Variants in ACOXL observed in about 807,000 individuals in gnomAD.
ACOXL encodes acyl-coenzyme A oxidase-like protein.
ACOXL carries 70 observed loss-of-function variants against 71.9 expected under a neutral mutation model. The ratio of observed to expected loss-of-function variants is 0.97; its 90% CI spans 0.80 to 1.19. ACOXL has a LOEUF of 1.19. Ranked by LOEUF, ACOXL falls within the 50% of genes most tolerant of loss-of-function variation. The pLI, the probability that ACOXL is intolerant of heterozygous loss-of-function variation, is 0.00. For missense variants in ACOXL, 703 were observed against 736.3 expected (o/e 0.95, Z 0.52); for synonymous variants, 253 against 281.6 (o/e 0.90, Z 1.02).
At chr2:110,824,000 A>G (rs1437773657) in intron 9 of ACOXL, among the ~76,000 whole-genome samples, 1 of 151,924 alleles carries the variant, frequency 6.6e-6, no homozygotes, top group African/African-American at 2.4e-5. Flanking sequence ...TCTTTCATGG[A>G]TTGTGCTTTT....
At chr2:111,078,154 A>G (rs1322893422) in intron 16 of ACOXL, among the ~76,000 whole-genome samples, 1 of 141,578 alleles carries the variant, frequency 7.1e-6, no homozygotes, top group African/African-American at 2.6e-5. Context: ...CTTCTAGTTT[A>G]CTCAGTCTTT....
At chr2:110,988,586 A>ATTTAC (rs1159735375) in intron 13 of ACOXL, among the ~76,000 whole-genome samples, 1 of 152,204 alleles carries the variant, frequency 6.6e-6, no homozygotes, top group Non-Finnish European at 1.5e-5. Flanking sequence ...ACTTTACTAG[A>ATTTAC]TAGTGACAAA....
intron 17 of ACOXL, among the ~76,000 whole-genome samples, chr2:111,115,216 C>G (rs754472147): frequency 4.6e-5 from 7 of 152,162 alleles, no homozygotes; most frequent in Non-Finnish European, 8.8e-5. Flanking sequence ...CAGAGGACCC[C>G]TACACTATGT....
At chr2:110,953,807 C>T (rs1421820691) in intron 12 of ACOXL, among the ~76,000 whole-genome samples, 2 of 152,130 alleles carry the variant, frequency 1.3e-5, no homozygotes, top group African/African-American at 2.4e-5. Context: ...TTATGTCTTA[C>T]CATGGCAGAG....
intron 16 of ACOXL, among the ~76,000 whole-genome samples, chr2:111,092,095 A>G (rs1307922419): frequency 6.6e-6 from 1 of 152,176 alleles, no homozygotes; most frequent in African/African-American, 2.4e-5. Context: ...TGTGGGTGAA[A>G]TGATATGACT....
intron 9 of ACOXL, among the ~76,000 whole-genome samples, chr2:110,831,888 G>A (rs962799667): frequency 6.6e-6 from 1 of 152,008 alleles, no homozygotes; most frequent in African/African-American, 2.4e-5. Context: ...GAAAAAACAA[G>A]CCTTATACAA....
chr2:110,842,704 G>A (rs1468901144), intron 10 of ACOXL, among the ~76,000 whole-genome samples: 1 of 152,100 alleles, frequency 6.6e-6, no homozygotes, highest in Admixed American at 6.5e-5. Flanking sequence ...TCAGAGATAA[G>A]TATGTTTCTT....
At chr2:111,104,246 T>TTCCTTGGAATTTGCCATATAGACAAACA (rs2069378405) in intron 17 of ACOXL, among the ~76,000 whole-genome samples, 1 of 152,208 alleles carries the variant, frequency 6.6e-6, no homozygotes. Context: ...GATATGTGGA[T>TTCCTTGGAATTTGCCATATAGACAAACA]TGTTTTCAGC....
At chr2:111,045,606 TC>T (rs2065978841) in intron 15 of ACOXL, among the ~76,000 whole-genome samples, 1 of 58,744 alleles carries the variant, frequency 1.7e-5, no homozygotes, top group Non-Finnish European at 3.8e-5. Context: ...AATTACCCAC[TC>T]TCAGGTATGT....
intron 11 of ACOXL, among the ~76,000 whole-genome samples, chr2:110,922,080 C>T (rs1250504640): frequency 6.6e-6 from 1 of 152,138 alleles, no homozygotes; most frequent in Non-Finnish European, 1.5e-5. Context: ...TCATATATAT[C>T]ATTATTGGTT....
rs1214379422 is a variant in ACOXL, at chr2:110,978,182, C to T, written c.1060-8926C>T. On this transcript the variant is annotated intron_variant, in intron 12 of 17. Coordinates refer to ENST00000439055, the MANE Select transcript of ACOXL (RefSeq NM_001142807.4). ...TTACAGTTCTGGAGGCTGGGGAGTC[C>T]AAGACCAAGATGCTGGCCTCTGGTG... 2.0e-5 allele frequency among the ~76,000 whole-genome samples: 3 copies of T among 152,078 alleles called. No homozygotes were observed. The East Asian group carries it at 5.8e-4, about 29-fold the overall frequency.
chr2:110,977,411 A>C (rs536964192), intron 12 of ACOXL, among the ~76,000 whole-genome samples: 14 of 152,044 alleles, frequency 9.2e-5, no homozygotes, highest in African/African-American at 3.4e-4. Flanking sequence ...AACACAAAAA[A>C]CTTCTCTCCT....
intron 9 of ACOXL, among the ~76,000 whole-genome samples, chr2:110,839,471 C>T (rs970615621): frequency 1.4e-4 from 21 of 152,128 alleles, no homozygotes; most frequent in African/African-American, 4.6e-4. Context: ...GCTTAAGTTT[C>T]AAAGAAAATT....
At chr2:110,922,716 T>C (rs1289818507) in intron 11 of ACOXL, among the ~76,000 whole-genome samples, 1 of 152,172 alleles carries the variant, frequency 6.6e-6, no homozygotes, top group African/African-American at 2.4e-5. Flanking sequence ...AGTTAGACAC[T>C]CTCCAGGTAC....
chr2:111,040,872 G>A (rs1210757210), intron 15 of ACOXL, among the ~76,000 whole-genome samples: 1 of 152,186 alleles, frequency 6.6e-6, no homozygotes, highest in Non-Finnish European at 1.5e-5. Context: ...GTCCCACAGG[G>A]CCTGAGTGCC....
chr2:110,756,303 A>G (rs1679696207), intron 1 of ACOXL, among the ~76,000 whole-genome samples: 4 of 151,848 alleles, frequency 2.6e-5, no homozygotes, highest in Admixed American at 2.0e-4. Context: ...ATTTTTTTCT[A>G]TTTTTAGTAG....
chr2:110,951,073 G>T (rs1236988232), intron 12 of ACOXL, among the ~76,000 whole-genome samples: 2 of 152,126 alleles, frequency 1.3e-5, no homozygotes, highest in Admixed American at 1.3e-4. Flanking sequence ...CTGCATCTCA[G>T]TTGAGTCAGA....
chr2:110,881,350 C>CTTTAGGGATAAATGAGA (rs1236190497), intron 10 of ACOXL, among the ~76,000 whole-genome samples: 2 of 151,984 alleles, frequency 1.3e-5, no homozygotes, highest in African/African-American at 4.8e-5. Flanking sequence ...GTCTGATGCT[C>CTTTAGGGATAAATGAGA]TTTAGGGATA....
intron 14 of ACOXL, among the ~76,000 whole-genome samples, chr2:110,999,195 G>A (rs367725827): frequency 1.3e-5 from 2 of 152,044 alleles, no homozygotes; most frequent in Non-Finnish European, 2.9e-5. Flanking sequence ...TGTAATGGCC[G>A]CCCCGCTTGC....
Sources: allele counts gnomAD v4.1 joint callset (sites outside exome capture counted in the v4.1 genomes callset), GRCh38; gene constraint gnomAD v4.1.1; transcripts MANE v1.5; gene names NCBI Gene and HGNC (gene_info 2026-07-23, HGNC 2026-07-21).